The following SLC35A1 variants were observed in gnomAD, a reference collection of about 807,000 sequenced individuals.
SLC35A1 encodes solute carrier family 35 member A1, also known as CMP-sialic acid transporter.
A neutral mutation model predicts 40.3 loss-of-function variants in SLC35A1; 21 were observed. The ratio of observed to expected loss-of-function variants is 0.52; its 90% CI spans 0.37 to 0.75. The LOEUF is 0.75. Ranked by LOEUF, SLC35A1 falls within the 30% of genes least tolerant of loss-of-function variation. SLC35A1 has a pLI of 0.00. For missense variants in SLC35A1, 297 were observed against 382.1 expected (o/e 0.78, Z 1.86); for synonymous variants, 146 against 147.3 (o/e 0.99, Z 0.06).
At chr6:87,495,307 C>T (rs956462194) in intron 2 of SLC35A1, among the ~76,000 whole-genome samples, 9 of 152,206 alleles carry the variant, frequency 5.9e-5, no homozygotes, top group Admixed American at 3.3e-4. Flanking sequence ...TAAAGACTAT[C>T]CCTAGCAGGA....
intron 1 of SLC35A1, among the ~76,000 whole-genome samples, chr6:87,473,546 A>G (rs1264924530): frequency 6.6e-6 from 1 of 152,222 alleles, no homozygotes; most frequent in Non-Finnish European, 1.5e-5. Flanking sequence ...CTGAAATCGT[A>G]ACGAAAGGAA....
At chr6:87,499,341 C>T (rs907918073) in intron 2 of SLC35A1, among the ~76,000 whole-genome samples, 1 of 152,154 alleles carries the variant, frequency 6.6e-6, no homozygotes, top group African/African-American at 2.4e-5. Context: ...GCTATTTCAC[C>T]AACAAAGTAT....
At chr6:87,508,227 T>G (rs1436734450) in intron 5 of SLC35A1, among the ~76,000 whole-genome samples, 193 bp from the exon 6 acceptor site, 1 of 152,138 alleles carries the variant, frequency 6.6e-6, no homozygotes, top group Non-Finnish European at 1.5e-5. Context: ...ATATACTCTG[T>G]AAAAACATAA....
intron 2 of SLC35A1, chr6:87,488,592 G>T (rs956393736): frequency 2.0e-5 from 3 of 152,242 alleles, no homozygotes; most frequent in Admixed American, 2.0e-4. Flanking sequence ...CAGTGCCCTA[G>T]AACTTTGTAA....
intron 1 of SLC35A1, among the ~76,000 whole-genome samples, chr6:87,476,306 T>C (rs1257064320): frequency 6.6e-6 from 1 of 152,252 alleles, no homozygotes; most frequent in African/African-American, 2.4e-5. Context: ...GAAAAAGTTT[T>C]ATATTAAGCC....
At chr6:87,488,756 T>C (rs1198043425) in intron 2 of SLC35A1, among the ~76,000 whole-genome samples, 3 of 152,226 alleles carry the variant, frequency 2.0e-5, no homozygotes, top group East Asian at 3.8e-4. Flanking sequence ...ACTCACTTCA[T>C]GTGTAAGAAC....
chr6:87,487,128 A>T (rs998844655), intron 2 of SLC35A1, among the ~76,000 whole-genome samples: 42 of 152,304 alleles, frequency 2.8e-4, no homozygotes, highest in African/African-American at 9.9e-4. Flanking sequence ...GTGAGCTGAG[A>T]TCACACCACT....
At position 87,477,373 on chromosome 6, in the gene SLC35A1, T is replaced by G; in HGVS notation, c.28T>G (p.Leu10Val). The G allele has an allele frequency of 1.2e-6, 2 of 1,613,168 alleles. No homozygotes were observed. The highest frequency in any genetic ancestry group is 2.2e-5 in the South Asian group (2 of 91,074). The change falls in exon 2 of 8, where the codon TTA becomes GTA. Residue 10 changes from leucine to valine, a missense_variant. Coordinates refer to ENST00000369552, the MANE Select transcript of SLC35A1 (RefSeq NM_006416.5). MAAPRDNVT[L>V]LFKLYCLAVM... is the part of the protein sequence containing the mutation. ...CACGTATTTTCCAGACAATGTCACT[T>G]TATTATTCAAGTTATACTGCTTGGC...
chr6:87,508,331 AT>A, intron 5 of SLC35A1, 88 bp from the exon 6 acceptor site: 2 of 854,152 alleles, frequency 2.3e-6, no homozygotes, highest in Non-Finnish European at 3.7e-6. Context: ...CATATACTTT[AT>A]ATATCTCTAG....
In SLC35A1 at chr6:87,476,701, A is replaced by C. The variant is rs187799128; in HGVS notation, c.17-661A>C. On this transcript the variant is annotated intron_variant, in intron 1 of 7. Coordinates refer to ENST00000369552, the MANE Select transcript of SLC35A1 (RefSeq NM_006416.5). Reference sequence around the variant, plus strand: ...GATCACGTCAAGATCATGCCACTGCACTCCAGCCTGGGTGACAGAGTGAGA... The same window carrying C: ...GATCACGTCAAGATCATGCCACTGCCCTCCAGCCTGGGTGACAGAGTGAGA... 4.2e-3 allele frequency among the ~76,000 whole-genome samples: 643 copies of C among 151,438 alleles called. 3 individuals carry two copies. The highest frequency in any genetic ancestry group is 0.017 in the South Asian group (80 of 4,784).
chr6:87,494,070 T>C (rs13214442), intron 2 of SLC35A1, among the ~76,000 whole-genome samples: 59,766 of 142,666 alleles, frequency 0.42, 11,966 homozygotes, highest in African/African-American at 0.5. Context: ...TGTACCCCAC[T>C]TTCCTTTTTT....
chr6:87,473,014 C>T lies in SLC35A1; in HGVS notation c.11C>T (p.Pro4Leu), dbSNP rs748426759. 1.3e-5 allele frequency: 9 copies of T among 674,666 alleles called. No homozygotes were observed. The highest frequency in any genetic ancestry group is 4.2e-5 in the Admixed American group (1 of 24,072). The allele number at this position is 674,666 out of a possible 1,614,324, so 41.8% of individuals were successfully genotyped here. A position where few individuals can be genotyped will look rare whatever the true frequency, so the allele number is the denominator to read the frequency against. MAA[P>L]RDNVTLLFKL... is the part of the protein sequence containing the mutation. ...GGCTGTCGGGGAACCATGGCTGCCCCGAGAGGTGAGAACTGGGTCTGCTGG... is the reference window on the plus strand; with the variant it reads ...GGCTGTCGGGGAACCATGGCTGCCCTGAGAGGTGAGAACTGGGTCTGCTGG... Residue 4 changes from proline (P) to leucine (L), a missense_variant, in exon 1 of 8, where the codon CCG becomes CTG. By Grantham distance (98) the Pro-to-Leu change is moderately conservative. Coordinates refer to ENST00000369552, the MANE Select transcript of SLC35A1 (RefSeq NM_006416.5).
intron 2 of SLC35A1, among the ~76,000 whole-genome samples, chr6:87,490,614 A>C (rs1332573053): frequency 6.6e-6 from 1 of 152,174 alleles, no homozygotes; most frequent in Non-Finnish European, 1.5e-5. Context: ...ATTTGAAAAA[A>C]AGGAAAAAGA....
rs751517983 is a variant in SLC35A1 at position 87,472,974 on chromosome 6, G to A, written c.-30G>A. On this transcript the variant is annotated 5_prime_UTR_variant, in exon 1 of 8. Transcript: ENST00000369552. ...GCGCGGGGGCGCGGAGGGGGCGGGC[G>A]TCAGTTCCGCGGGGGGCTGTCGGGG... 27 of 639,546 alleles carry A rather than the reference G, an allele frequency of 4.2e-5. No individual in the cohort carries two copies. Among genetic ancestry groups the A allele is most frequent in the Non-Finnish European group, 5.7e-5 (23 of 406,686 alleles). The allele number at this position is 639,546 out of a possible 1,614,324, so 39.6% of individuals were successfully genotyped here.
At chr6:87,477,256 T>C (rs1320384073) in intron 1 of SLC35A1, 106 bp from the exon 2 acceptor site, 5 of 1,099,728 alleles carry the variant, frequency 4.5e-6, no homozygotes, top group Admixed American at 4.9e-5. Flanking sequence ...TTAGAAAATA[T>C]TTTGTGCTTG....
intron 2 of SLC35A1, among the ~76,000 whole-genome samples, chr6:87,495,653 CTTTT>C (rs373888935): frequency 7.0e-6 from 1 of 142,712 alleles, no homozygotes; most frequent in African/African-American, 2.6e-5. Flanking sequence ...CCCTCAAAGT[CTTTT>C]TTTTTTTTTC....
intron 7 of SLC35A1, 22 bp from the exon 8 acceptor site, chr6:87,511,377 C>T (rs747396944): frequency 1.2e-6 from 2 of 1,610,178 alleles, no homozygotes; most frequent in African/African-American, 1.3e-5. Flanking sequence ...ACAGATAAAG[C>T]TATTTTTTTT....
intron 4 of SLC35A1, among the ~76,000 whole-genome samples, chr6:87,503,876 A>G (rs1021029993): frequency 2.6e-5 from 4 of 152,158 alleles, no homozygotes; most frequent in African/African-American, 9.7e-5. Context: ...GATGACCATT[A>G]AGCTTTTTAA....
At chr6:87,510,297 T>C (rs1307277436) in intron 7 of SLC35A1, among the ~76,000 whole-genome samples, 2 of 152,202 alleles carry the variant, frequency 1.3e-5, no homozygotes, top group African/African-American at 2.4e-5. Context: ...TTCTGATCTA[T>C]CTTTATGTTC....
Sources: allele counts gnomAD v4.1 joint callset (sites outside exome capture counted in the v4.1 genomes callset), GRCh38; gene constraint gnomAD v4.1.1; transcripts MANE v1.5; gene names NCBI Gene and HGNC (gene_info 2026-07-23, HGNC 2026-07-21).